Variants in MMP26 observed in about 807,000 individuals in gnomAD.
MMP26 encodes matrix metalloproteinase-26.
Under a neutral mutation model 31.0 loss-of-function variants are expected in MMP26, and 33 were observed. The ratio of observed to expected loss-of-function variants is 1.06; its 90% CI spans 0.81 to 1.42. The LOEUF (loss-of-function observed/expected upper bound fraction) is 1.42. Ranked by LOEUF, MMP26 falls within the 40% of genes most tolerant of loss-of-function variation. The pLI is 0.00. For synonymous variants in MMP26, 122 were observed against 114.9 expected, an observed-to-expected ratio of 1.06 and a Z score of -0.40; for missense variants, 347 against 316.1, an observed-to-expected ratio of 1.10 and a Z score of -0.74.
intron 2 of MMP26, among the ~76,000 whole-genome samples, chr11:4,831,173 TTATC>T (rs781561810): frequency 6.6e-6 from 1 of 152,026 alleles, no homozygotes; most frequent in Non-Finnish European, 1.5e-5. Context: ...AATCTCCTCT[TTATC>T]TACACTTGCC....
At chr11:4,810,475 A>G (rs1307472136) in intron 2 of MMP26, among the ~76,000 whole-genome samples, 3 of 152,198 alleles carry the variant, frequency 2.0e-5, no homozygotes, top group African/African-American at 7.2e-5. Flanking sequence ...CCATCATGCT[A>G]TGAGTTCAAG....
chr11:4,798,396 A>C (rs886724062), intron 2 of MMP26, among the ~76,000 whole-genome samples: 2 of 152,240 alleles, frequency 1.3e-5, no homozygotes, highest in Admixed American at 1.3e-4. Flanking sequence ...CTTCGGCTTT[A>C]TCATCTTCCA....
chr11:4,921,914 T>C (rs927716469), intron 2 of MMP26, among the ~76,000 whole-genome samples: 1 of 152,218 alleles, frequency 6.6e-6, no homozygotes, highest in Admixed American at 6.5e-5. Flanking sequence ...TATTGCATAG[T>C]GGTGAAGTCT....
chr11:4,859,621 T>TG (rs1850111921), intron 2 of MMP26: 1 of 439,510 alleles, frequency 2.3e-6, no homozygotes, highest in Non-Finnish European at 4.7e-6. Flanking sequence ...TAGACCCTAT[T>TG]TTTTTTGCCT....
chr11:4,923,801 T>C, intron 2 of MMP26: 1 of 1,613,832 alleles, frequency 6.2e-7, no homozygotes, highest in African/African-American at 1.3e-5. Flanking sequence ...GTGAAGACAA[T>C]AAGCATGAGC....
intron 2 of MMP26, among the ~76,000 whole-genome samples, chr11:4,841,570 TGAA>T (rs1403455406): frequency 5.3e-5 from 8 of 152,122 alleles, no homozygotes; most frequent in Non-Finnish European, 7.4e-5. Context: ...CTTTAAAAGA[TGAA>T]GAAGAAATAA....
chr11:4,860,643 A>T, intron 2 of MMP26: 1 of 373,106 alleles, frequency 2.7e-6, no homozygotes, highest in East Asian at 7.3e-5. Flanking sequence ...TCTCATATGG[A>T]CAGAACAATG....
Position 4,891,780 on chromosome 11 carries a change from C to G in MMP26, c.-144-96288C>G, listed in dbSNP as rs543018248. 1.1e-4 allele frequency among the ~76,000 whole-genome samples: 17 copies of G among 152,264 alleles called. 1 individual carries two copies. In the South Asian group the frequency reaches 2.3e-3, roughly 20 times the overall value. ...AGATTCTTGGATTTTCTCTATAGCT[C>G]AACATACACTTTCACAGCTATAGAG... On this transcript the variant is annotated intron_variant, in intron 2 of 7. Coordinates refer to ENST00000380390, the MANE Select transcript of MMP26 (RefSeq NM_021801.5).
intron 1 of MMP26, chr11:4,718,955 C>A: frequency 5.1e-6 from 1 of 196,402 alleles, no homozygotes; most frequent in Non-Finnish European, 1.0e-5. Context: ...ATGGAATCTT[C>A]AGTGCTGTTG....
chr11:4,739,988 C>G (rs1169780549), intron 1 of MMP26, among the ~76,000 whole-genome samples: 4 of 152,008 alleles, frequency 2.6e-5, no homozygotes, highest in Non-Finnish European at 5.9e-5. Flanking sequence ...AATATTATGG[C>G]AAAGGTCTCA....
chr11:4,814,568 T>A (rs902966102), intron 2 of MMP26, among the ~76,000 whole-genome samples: 5 of 152,146 alleles, frequency 3.3e-5, no homozygotes, highest in African/African-American at 1.2e-4. Flanking sequence ...ATCGTTTCGG[T>A]CTACACAGAC....
chr11:4,792,504 G>T (rs1361413785), intron 2 of MMP26, among the ~76,000 whole-genome samples: 3 of 152,232 alleles, frequency 2.0e-5, no homozygotes, highest in Admixed American at 6.5e-5. Context: ...TTGTTTGTGG[G>T]TTATGCAGAT....
At chr11:4,973,717 A>C (rs1846697797) in intron 2 of MMP26, 1 of 176,902 alleles carries the variant, frequency 5.7e-6, no homozygotes, top group African/African-American at 2.4e-5. Flanking sequence ...GCTCATGCAA[A>C]GAAGGCTCTG....
At chr11:4,842,620 G>T (rs79147855) in intron 2 of MMP26, among the ~76,000 whole-genome samples, 3 of 152,116 alleles carry the variant, frequency 2.0e-5, no homozygotes, top group African/African-American at 4.8e-5. Context: ...CTCTCTCCAC[G>T]TTGGGAATTA....
chr11:4,747,701 G>A (rs1848398751), intron 1 of MMP26, among the ~76,000 whole-genome samples: 1 of 152,066 alleles, frequency 6.6e-6, no homozygotes, highest in African/African-American at 2.4e-5. Flanking sequence ...ACTGATTTAG[G>A]CAAAGGATTT....
intron 2 of MMP26, chr11:4,804,389 T>G: frequency 6.2e-7 from 1 of 1,601,492 alleles, no homozygotes; most frequent in Middle Eastern, 1.7e-4. Flanking sequence ...ATGGACTGGT[T>G]AATATGGTCT....
intron 2 of MMP26, among the ~76,000 whole-genome samples, chr11:4,931,634 A>G (rs1166536894): frequency 1.3e-5 from 2 of 152,098 alleles, no homozygotes; most frequent in African/African-American, 2.4e-5. Flanking sequence ...TTCTTTTAAA[A>G]TAAGAATATA....
intron 2 of MMP26, chr11:4,822,542 G>T: frequency 1.9e-6 from 1 of 537,838 alleles, no homozygotes; most frequent in Non-Finnish European, 2.9e-6. Context: ...TCATGTCATT[G>T]CCAACTAAAT....
At chr11:4,956,874 C>A (rs2133616502) in intron 2 of MMP26, among the ~76,000 whole-genome samples, 1 of 152,250 alleles carries the variant, frequency 6.6e-6, no homozygotes, top group African/African-American at 2.4e-5. Context: ...CAATAATGAC[C>A]AATATTTCTT....
Sources: gnomAD v4.1 joint callset for allele counts (sites outside exome capture counted in the v4.1 genomes callset) on GRCh38, gnomAD v4.1.1 for gene constraint, MANE v1.5 for transcripts, NCBI Gene and HGNC (gene_info 2026-07-23, HGNC 2026-07-21) for gene names.